Variants in RCOR3 observed in about 807,000 individuals in gnomAD.
RCOR3 encodes REST corepressor 3.
RCOR3 carries 13 observed loss-of-function variants against 64.1 expected under a neutral mutation model. The observed-to-expected ratio is 0.20, with a 90% CI of 0.13 to 0.32. RCOR3 has a LOEUF of 0.32. Ranked by LOEUF, RCOR3 falls within the 10% of genes least tolerant of loss-of-function variation. The probability of loss-of-function intolerance (pLI) is 1.00; values close to 1 mark genes in which losing one functional copy is unlikely to be tolerated. For missense variants in RCOR3, 489 were observed against 701.2 expected (o/e 0.70, Z 3.42); for synonymous variants, 215 against 239.0 (o/e 0.90, Z 0.93).
intron 10 of RCOR3, among the ~76,000 whole-genome samples, chr1:211,307,472 C>G (rs1052108824): frequency 1.7e-4 from 7 of 40,552 alleles, no homozygotes; most frequent in African/African-American, 6.1e-4. Context: ...CAGAGCGAGA[C>G]TCTGACTCAA....
chr1:211,274,329 A>G (rs1696654214), intron 4 of RCOR3, 67 bp downstream of exon 4: 1 of 1,147,810 alleles, frequency 8.7e-7, no homozygotes. Context: ...TTATCTCATG[A>G]TAGTTTCTGT....
At chr1:211,282,193 A>G (rs1410046372) in intron 7 of RCOR3, among the ~76,000 whole-genome samples, 2 of 152,178 alleles carry the variant, frequency 1.3e-5, no homozygotes, top group African/African-American at 4.8e-5. Flanking sequence ...AGGGGAGTAT[A>G]AGTTAAAAAG....
At chr1:211,304,669 GA>G in intron 10 of RCOR3, among the ~76,000 whole-genome samples, 1 of 152,276 alleles carries the variant, frequency 6.6e-6, no homozygotes, top group African/African-American at 2.4e-5. Flanking sequence ...TTTTAAAGGA[GA>G]CTTAAGAGCG....
intron 7 of RCOR3, among the ~76,000 whole-genome samples, chr1:211,288,512 T>TAA (rs200299085): frequency 5.4e-5 from 1 of 18,554 alleles, no homozygotes; most frequent in Admixed American, 9.3e-4. Flanking sequence ...ATTTTATAAA[T>TAA]ATATTTATAA....
chr1:211,314,734 A>G lies in RCOR3; in HGVS notation c.*966A>G, dbSNP rs1533219. 0.97 allele frequency: 147,479 copies of G among 152,252 alleles called. 71,431 individuals are homozygous for G. The highest frequency in any genetic ancestry group is 1 in the East Asian group (5,174 of 5,188). 9.4% of individuals were successfully genotyped at this position (152,252 alleles called of 1,614,324 possible). A position where few individuals can be genotyped will look rare whatever the true frequency, so the allele number is the denominator to read the frequency against. ...AGCATTTCTTTACAGTACCCTTTACATGTTTGGTTTCTGAACTTAAAATTG... is the reference window on the plus strand; with the variant it reads ...AGCATTTCTTTACAGTACCCTTTACGTGTTTGGTTTCTGAACTTAAAATTG... On this transcript the variant is annotated 3_prime_UTR_variant, in exon 12 of 12. Coordinates refer to ENST00000419091, the MANE Select transcript of RCOR3 (RefSeq NM_001136223.3).
At chr1:211,304,905 A>C (rs886834438) in intron 10 of RCOR3, among the ~76,000 whole-genome samples, 4 of 152,124 alleles carry the variant, frequency 2.6e-5, no homozygotes, top group Admixed American at 2.6e-4. Flanking sequence ...GTCTGATTGT[A>C]CAGTTTAAAG....
chr1:211,276,510 CTTCAA>C, intron 5 of RCOR3, 92 bp downstream of exon 5: 2 of 1,158,520 alleles, frequency 1.7e-6, no homozygotes, highest in East Asian at 5.0e-5. Context: ...CAAAAACATT[CTTCAA>C]TTTAATTTTA....
rs995638991 is a variant in RCOR3, at chr1:211,259,440, TCCG to T, written c.-108_-106del. 207 of 992,770 alleles carry T rather than the reference TCCG, an allele frequency of 2.1e-4. No individual in the cohort carries two copies. The highest frequency in any genetic ancestry group is 2.4e-4 in the Non-Finnish European group (165 of 697,980). 61.5% of individuals were successfully genotyped at this position (992,770 alleles called of 1,614,324 possible). ...CTCCATATTAACAGCCTCCTCCTCCTCCGCCGCCGCCGCCGTCTCCTCCTCCTC... is the reference window on the plus strand; with the variant it reads ...CTCCATATTAACAGCCTCCTCCTCCTCCGCCGCCGCCGTCTCCTCCTCCTC... On this transcript the variant is annotated 5_prime_UTR_variant, in exon 1 of 12. Transcript: ENST00000419091.
At chr1:211,259,942 C>A in intron 1 of RCOR3, 166 bp from the exon 2 acceptor site, 2 of 1,357,042 alleles carry the variant, frequency 1.5e-6, no homozygotes, top group Non-Finnish European at 9.5e-7. Context: ...CCGCTCCCCG[C>A]CCCCAATCCG....
chr1:211,295,564 C>T (rs1031877478), intron 8 of RCOR3, 112 bp from the exon 9 acceptor site: 54 of 834,978 alleles, frequency 6.5e-5, no homozygotes, highest in Non-Finnish European at 1.0e-4. Context: ...TGACTATTCT[C>T]CTAAAATAAA....
In RCOR3 at chr1:211,304,094, A is replaced by G. The variant is rs1161355493; in HGVS notation, c.1029A>G (p.Lys343=). 1.2e-6 allele frequency: 2 copies of G among 1,602,962 alleles called. No homozygotes were observed. The change falls in exon 10 of 12, where the codon AAA becomes AAG. Residue 343 remains lysine, a synonymous_variant. Coordinates refer to ENST00000419091, the MANE Select transcript of RCOR3 (RefSeq NM_001136223.3). ...CTTTAATTTTGTAGTCAAATCAGAA[A>G]ATTAATGCCCGTTGGACCACAGAGG... ...EEFKPPESNQ[K]INARWTTEEQ...
At position 211,260,066 on chromosome 1, in the gene RCOR3, C is replaced by T. The variant is rs772221597; in HGVS notation, c.167-42C>T. The T allele has an allele frequency of 1.6e-5, 24 of 1,499,558 alleles. No individual in the cohort carries two copies. In the East Asian group the frequency reaches 2.3e-4, roughly 14 times the overall value. 92.9% of individuals were successfully genotyped at this position (1,499,558 alleles called of 1,614,324 possible). ...TCTCTTCCTTTTTCTTTCTTTTCTT[C>T]TTTTTTATTTTTTATATATATTTTT... On this transcript the variant is annotated intron_variant, in intron 1 of 11. Transcript: ENST00000419091.
chr1:211,285,426 A>G (rs1170814575), intron 7 of RCOR3, among the ~76,000 whole-genome samples: 2 of 152,196 alleles, frequency 1.3e-5, no homozygotes, highest in African/African-American at 2.4e-5. Context: ...GTTTCCTCCA[A>G]CGTAATCAAT....
intron 8 of RCOR3, among the ~76,000 whole-genome samples, chr1:211,294,879 G>A (rs180918301): frequency 4.9e-4 from 74 of 151,856 alleles, no homozygotes; most frequent in African/African-American, 1.7e-3. Context: ...GTGAGCCACC[G>A]CACCCAGCCT....
At chr1:211,295,066 T>TTTTTTTTTTTTG (rs1553259603) in intron 8 of RCOR3, among the ~76,000 whole-genome samples, 3 of 113,314 alleles carry the variant, frequency 2.6e-5, no homozygotes, top group Non-Finnish European at 3.5e-5. Context: ...TTTTTTTTTT[T>TTTTTTTTTTTTG]TCATAGAGAC....
chr1:211,270,066 C>CTTT (rs11390047), intron 2 of RCOR3, among the ~76,000 whole-genome samples: 9 of 144,640 alleles, frequency 6.2e-5, no homozygotes, highest in Non-Finnish European at 1.2e-4. Flanking sequence ...TTTATCTTGA[C>CTTT]TTTTTTTTTT....
At chr1:211,271,878 A>G (rs1307527234) in intron 3 of RCOR3, 1 of 169,912 alleles carries the variant, frequency 5.9e-6, no homozygotes, top group Non-Finnish European at 1.3e-5. Context: ...CGTGCAGGTA[A>G]CAACACTAAG....
chr1:211,310,229 C>T (rs1701344105), intron 10 of RCOR3, among the ~76,000 whole-genome samples: 1 of 152,136 alleles, frequency 6.6e-6, no homozygotes, highest in Non-Finnish European at 1.5e-5. Flanking sequence ...CACACTAGGG[C>T]AAGCAGATGA....
rs182673090 is a variant in RCOR3, at chr1:211,260,371, C to G, written c.223+207C>G. Among the ~76,000 whole-genome samples the G allele has an allele frequency of 2.0e-3, 300 of 152,362 alleles. 2 individuals carry two copies. Among genetic ancestry groups the G allele is most frequent in the Admixed American group, 0.017 (262 of 15,306 alleles). On this transcript the variant is annotated intron_variant, in intron 2 of 11. Transcript: ENST00000419091. ...TGCACTGCAAGGTTAACATGGTTCC[C>G]TTCGGAGGCCACTTGCCCGCTGGGG...
Sources: gnomAD v4.1 joint callset for allele counts (sites outside exome capture counted in the v4.1 genomes callset) on GRCh38, gnomAD v4.1.1 for gene constraint, MANE v1.5 for transcripts, NCBI Gene and HGNC (gene_info 2026-07-23, HGNC 2026-07-21) for gene names.